The following MTMR9 variants were observed in gnomAD, a reference collection of about 807,000 sequenced individuals.
The protein encoded by MTMR9 is myotubularin-related protein 9.
MTMR9 carries 39 observed loss-of-function variants against 69.5 expected under a neutral mutation model. The observed-to-expected ratio is 0.56, with a 90% confidence interval of 0.43 to 0.73. The LOEUF (loss-of-function observed/expected upper bound fraction) is 0.73, where lower values mean the gene tolerates loss of function less well. Ranked by LOEUF, MTMR9 falls within the 30% of genes least tolerant of loss-of-function variation. MTMR9 has a pLI of 0.00. For synonymous variants in MTMR9, 354 were observed against 240.8 expected, an observed-to-expected ratio of 1.47 and a Z score of -4.35; for missense variants, 900 against 671.2, an observed-to-expected ratio of 1.34 and a Z score of -3.77.
At chr8:11,304,579 T>C (rs529274001) in intron 3 of MTMR9, among the ~76,000 whole-genome samples, 1 of 152,286 alleles carries the variant, frequency 6.6e-6, no homozygotes, top group East Asian at 1.9e-4. Flanking sequence ...TAGAGGGAGC[T>C]ACAGAGCAAC....
At chr8:11,330,619 C>G (rs1307551338), downstream of MTMR9, among the ~76,000 whole-genome samples, 3 of 152,136 alleles carry the variant, frequency 2.0e-5, no homozygotes, top group Non-Finnish European at 4.4e-5. Flanking sequence ...GACCTTGACC[C>G]CAGCCCTGTG....
At position 11,326,765 on chromosome 8, in the gene MTMR9, T is replaced by C. The variant is rs934474539; in HGVS notation, c.*3977T>C. On this transcript the variant is annotated 3_prime_UTR_variant, in exon 10 of 10. Transcript: ENST00000221086. ...GCGGGCGGATCATGAGGTCAGGAGA[T>C]CGAGACCATCCTGGCTAACACGGTG... is the stretch of plus-strand genomic sequence containing the variant. 4 of 152,254 alleles carry C rather than the reference T, an allele frequency of 2.6e-5. No individual in the cohort carries two copies. Among genetic ancestry groups the C allele is most frequent in the African/African-American group, 7.2e-5 (3 of 41,442 alleles). 9.4% of individuals were successfully genotyped at this position (152,254 alleles called of 1,614,324 possible).
downstream of MTMR9, chr8:11,331,485 G>C (rs532136763): frequency 1.2e-6 from 2 of 1,613,794 alleles, no homozygotes; most frequent in African/African-American, 1.3e-5. Context: ...GGTGGTGCCC[G>C]CTGGCAACGC....
rs964744720 is a variant in MTMR9, at chr8:11,328,106, G to T, written c.*5318G>T. 1 of 152,024 alleles carries T rather than the reference G, an allele frequency of 6.6e-6. No homozygotes were observed. Among genetic ancestry groups the T allele is most frequent in the African/African-American group, 2.4e-5 (1 of 41,388 alleles). 9.4% of individuals were successfully genotyped at this position (152,024 alleles called of 1,614,324 possible). A position where few individuals can be genotyped will look rare whatever the true frequency, so the allele number is the denominator to read the frequency against. ...CTAGTGTTAAATTTCTATAGACGAT[G>T]GTAATAAAATCTGAATATATTTAAG... On this transcript the variant is annotated 3_prime_UTR_variant, in exon 10 of 10. Transcript: ENST00000221086.
At chr8:11,294,271 A>C (rs977994334) in intron 1 of MTMR9, among the ~76,000 whole-genome samples, 1 of 152,122 alleles carries the variant, frequency 6.6e-6, no homozygotes, top group Non-Finnish European at 1.5e-5. Flanking sequence ...AATGTTGACT[A>C]GAAGTGGTGA....
chr8:11,309,100 G>A (rs1800087011), intron 5 of MTMR9, among the ~76,000 whole-genome samples: 1 of 152,220 alleles, frequency 6.6e-6, no homozygotes, highest in Non-Finnish European at 1.5e-5. Flanking sequence ...CTAGGTGGGT[G>A]AATGGGAGCT....
At position 11,324,216 on chromosome 8, in the gene MTMR9, C is replaced by G. The variant is rs1455636146; in HGVS notation, c.*1428C>G. 1 of 152,140 alleles carries G rather than the reference C, an allele frequency of 6.6e-6. No individual in the cohort carries two copies. The highest frequency in any genetic ancestry group is 2.4e-5 in the African/African-American group (1 of 41,426). The allele number at this position is 152,140 out of a possible 1,614,324, so 9.4% of individuals were successfully genotyped here. On this transcript the variant is annotated 3_prime_UTR_variant, in exon 10 of 10. Coordinates refer to ENST00000221086, the MANE Select transcript of MTMR9 (RefSeq NM_015458.4). ...ATATAATTTTTTAAAAATTGACTAG[C>G]AAAATCTATGGCCACACTGAGAAGC...
intron 1 of MTMR9, among the ~76,000 whole-genome samples, chr8:11,291,665 G>A (rs1364866847): frequency 1.3e-5 from 2 of 151,874 alleles, no homozygotes; most frequent in African/African-American, 4.8e-5. Flanking sequence ...AACTCCTCTA[G>A]TCATTCATTA....
intron 9 of MTMR9, chr8:11,320,198 C>T (rs974257476): frequency 1.0e-5 from 2 of 192,592 alleles, no homozygotes; most frequent in African/African-American, 4.7e-5. Flanking sequence ...ATGAAGCAGT[C>T]ATTAGGATAG....
chr8:11,311,536 G>T (rs906569688), intron 6 of MTMR9, among the ~76,000 whole-genome samples: 1 of 152,178 alleles, frequency 6.6e-6, no homozygotes, highest in South Asian at 2.1e-4. Context: ...TGTTAATTGT[G>T]CAATAGTATT....
intron 1 of MTMR9, among the ~76,000 whole-genome samples, chr8:11,294,308 A>C (rs747183167): frequency 2.0e-5 from 3 of 152,000 alleles, no homozygotes; most frequent in Non-Finnish European, 4.4e-5. Flanking sequence ...GTTATTCATG[A>C]TTTTAGAGAG....
intron 2 of MTMR9, among the ~76,000 whole-genome samples, chr8:11,299,565 G>A (rs980660450): frequency 6.6e-6 from 1 of 152,134 alleles, no homozygotes; most frequent in Admixed American, 6.5e-5. Context: ...CCTCTAGGCT[G>A]TATCATCCTT....
intron 1 of MTMR9, among the ~76,000 whole-genome samples, chr8:11,288,187 C>T: frequency 7.5e-6 from 1 of 133,272 alleles, no homozygotes; most frequent in Admixed American, 8.2e-5. Flanking sequence ...ACCTATTCAC[C>T]TAATACATGT....
chr8:11,319,664 T>A, intron 8 of MTMR9, 23 bp from the exon 9 acceptor site: 1 of 1,611,892 alleles, frequency 6.2e-7, no homozygotes. Flanking sequence ...ATTACTTTAA[T>A]GGCAGTGTTC....
intron 1 of MTMR9, among the ~76,000 whole-genome samples, chr8:11,289,109 T>A (rs972292344): frequency 2.0e-5 from 3 of 152,286 alleles, no homozygotes; most frequent in African/African-American, 7.2e-5. Context: ...GAGGCCGAGG[T>A]TGCAGTAAAC....
chr8:11,295,362 C>A, intron 2 of MTMR9, 60 bp downstream of exon 2: 1 of 954,798 alleles, frequency 1.0e-6, no homozygotes, highest in Non-Finnish European at 1.7e-6. Context: ...CTCAGTGTAG[C>A]TCTTCCATTT....
In MTMR9 at chr8:11,285,052, T is replaced by G. The variant is rs1216250694; in HGVS notation, c.164T>G (p.Ile55Ser). ...TEELWLLHSN[I>S]DAIDKRFVGS... ...GAGCTGTGGCTCCTCCATTCAAACA[T>G]CGACGCCATCGACAAGCGGTGAGTG... Residue 55 changes from isoleucine (I) to serine (S), a missense_variant, in exon 1 of 10, where the codon ATC (isoleucine) becomes AGC (serine). Coordinates refer to ENST00000221086, the MANE Select transcript of MTMR9 (RefSeq NM_015458.4). 6 of 1,606,678 alleles carry G rather than the reference T, an allele frequency of 3.7e-6. No homozygotes were observed. The highest frequency in any genetic ancestry group is 5.1e-6 in the Non-Finnish European group (6 of 1,176,130).
intron 5 of MTMR9, among the ~76,000 whole-genome samples, chr8:11,306,633 A>G (rs1202143203): frequency 6.6e-6 from 1 of 152,078 alleles, no homozygotes; most frequent in Non-Finnish European, 1.5e-5. Flanking sequence ...TTTGATATAC[A>G]TATACATTGT....
the MTMR9 span, among the ~76,000 whole-genome samples, chr8:11,337,778 T>G: frequency 1.3e-5 from 2 of 152,234 alleles, no homozygotes; most frequent in Non-Finnish European, 2.9e-5. Context: ...GTGACTGAAT[T>G]CATGTGCTCC....
Sources: allele counts gnomAD v4.1 joint callset (sites outside exome capture counted in the v4.1 genomes callset), GRCh38; gene constraint gnomAD v4.1.1; transcripts MANE v1.5; gene names NCBI Gene and HGNC (gene_info 2026-07-23, HGNC 2026-07-21).